ROBO3: variants seen among roughly 807,000 people sequenced by gnomAD.
ROBO3 encodes roundabout homolog 3.
In ROBO3, 97 loss-of-function variants were observed where a neutral mutation model predicts 160.5. That is an observed-to-expected ratio of 0.60 (90% CI 0.51 to 0.72). The LOEUF (loss-of-function observed/expected upper bound fraction) is 0.72, where lower values mean the gene tolerates loss of function less well. Ranked by LOEUF, ROBO3 falls within the 30% of genes least tolerant of loss-of-function variation. The pLI, the probability that ROBO3 is intolerant of heterozygous loss-of-function variation, is 0.00. For synonymous variants in ROBO3, 780 were observed against 746.2 expected (o/e 1.05, Z -0.74); for missense variants, 1,858 against 1,846.5 (o/e 1.01, Z -0.11).
At position 124,877,974 on chromosome 11, in the gene ROBO3, G is replaced by A; in HGVS notation, c.3024G>A (p.Arg1008=). The A allele has an allele frequency of 6.2e-7, 1 of 1,610,522 alleles. No individual in the cohort carries two copies. The highest frequency in any genetic ancestry group is 8.5e-7 in the Non-Finnish European group (1 of 1,178,530). ...CCCTGTATCTAGCTCAGACGGCCAGGGGCACGGCCGCCCCTGGCGAGGGTC... is the reference window on the plus strand; with the variant it reads ...CCCTGTATCTAGCTCAGACGGCCAGAGGCACGGCCGCCCCTGGCGAGGGTC... ...GISLYLAQTA[R]GTAAPGEGPV... The change falls in exon 21 of 28, where the codon AGG becomes AGA. Residue 1008 remains arginine, a synonymous_variant. Coordinates refer to ENST00000397801, the MANE Select transcript of ROBO3 (RefSeq NM_022370.4).
chr11:124,870,941 C>A (rs1946272954), intron 6 of ROBO3, 73 bp from the exon 7 acceptor site: 1 of 1,568,510 alleles, frequency 6.4e-7, no homozygotes, highest in Non-Finnish European at 8.7e-7. Context: ...TGGAGCTTCT[C>A]TCTCCTGTTC....
chr11:124,876,602 C>G lies in ROBO3; in HGVS notation c.2779+142C>G. Reference sequence around the variant, plus strand: ...TGGAGTTCAGCCTCTTGGGTAGGGGCGGGATACGTGGGGCGACTCGAGGAG... The same window carrying G: ...TGGAGTTCAGCCTCTTGGGTAGGGGGGGGATACGTGGGGCGACTCGAGGAG... On this transcript the variant is annotated intron_variant, in intron 17 of 27. Transcript: ENST00000397801. This position sits in a 1 kb window ranked among gnomAD's most constrained non-coding sequence, Gnocchi z 5.3. 5.9e-6 allele frequency: 4 copies of G among 682,726 alleles called. No individual in the cohort carries two copies. The highest frequency in any genetic ancestry group is 8.6e-6 in the Non-Finnish European group (4 of 463,164). The allele number at this position is 682,726 out of a possible 1,614,324, so 42.3% of individuals were successfully genotyped here.
intron 5 of ROBO3, 125 bp downstream of exon 5, chr11:124,870,428 T>C: frequency 6.8e-7 from 1 of 1,471,018 alleles, no homozygotes; most frequent in Non-Finnish European, 9.2e-7. Context: ...CTAGAGCCTG[T>C]GGCCCCAGTC....
At position 124,869,437 on chromosome 11, in the gene ROBO3, C is replaced by T. The variant is rs916691688; in HGVS notation, c.488-13C>T. On this transcript the variant is annotated splice_polypyrimidine_tract_variant and intron_variant, in intron 2 of 27. Coordinates refer to ENST00000397801, the MANE Select transcript of ROBO3 (RefSeq NM_022370.4). The surrounding 1 kb of genome is among the most constrained non-coding windows in gnomAD (Gnocchi z 4.2). ...TACACCCTGCTTATTTCGCCCCCCA[C>T]CGCCCCGCCCAGTCCTCCGTGATGA... The T allele has an allele frequency of 4.9e-6, 7 of 1,435,992 alleles. No homozygotes were observed. Among genetic ancestry groups the T allele is most frequent in the Non-Finnish European group, 6.7e-6 (7 of 1,046,448 alleles). 89.0% of individuals were successfully genotyped at this position (1,435,992 alleles called of 1,614,324 possible). A position where few individuals can be genotyped will look rare whatever the true frequency, so the allele number is the denominator to read the frequency against.
rs1332028844 is a variant in ROBO3, at chr11:124,878,261, G to A, written c.3182-37G>A. On this transcript the variant is annotated intron_variant, in intron 21 of 27. Coordinates refer to ENST00000397801, the MANE Select transcript of ROBO3 (RefSeq NM_022370.4). This position sits in a 1 kb window ranked among gnomAD's most constrained non-coding sequence, Gnocchi z 4.3. ...CCTGTCTCATCTCTGGCTCTTTCCT[G>A]CCTGTTCTCCGGGTGTCCCCATCCT... 6.2e-7 allele frequency: 1 copy of A among 1,608,016 alleles called. No individual in the cohort carries two copies. Among genetic ancestry groups the A allele is most frequent in the Non-Finnish European group, 8.5e-7 (1 of 1,177,066 alleles).
intron 27 of ROBO3, 95 bp downstream of exon 27, chr11:124,880,703 G>A: frequency 7.0e-7 from 1 of 1,437,126 alleles, no homozygotes; most frequent in Non-Finnish European, 9.1e-7. Flanking sequence ...AAGGGCTTGT[G>A]GAGGAGTGTC....
chr11:124,878,411 G>A lies in ROBO3; in HGVS notation c.3295G>A (p.Gly1099Arg). Residue 1099 changes from glycine (G) to arginine (R), a missense_variant, in exon 22 of 28, where the codon GGG becomes AGG. Physicochemically the swap from Gly to Arg is moderately radical, Grantham distance 125. Transcript: ENST00000397801. The surrounding 1 kb of genome is among the most constrained non-coding windows in gnomAD (Gnocchi z 4.3). The stretch of plus-strand genomic sequence containing the variant: ...TTCTTGTGAACTGAGCTGCCTAGAA[G>A]GGCCGGAGGAGGAGCTGGAGGGCAG... Reference protein sequence around the residue: ...PPSCELSCLEGPEEELEGSSE... With the variant: ...PPSCELSCLERPEEELEGSSE... The A allele has an allele frequency of 1.2e-6, 2 of 1,613,886 alleles. No individual in the cohort carries two copies. Among genetic ancestry groups the A allele is most frequent in the Non-Finnish European group, 1.7e-6 (2 of 1,179,828 alleles).
At chr11:124,877,392 G>A (rs1946413237) in intron 19 of ROBO3, 83 bp downstream of exon 19, 3 of 1,592,734 alleles carry the variant, frequency 1.9e-6, no homozygotes, top group Middle Eastern at 1.9e-4. Flanking sequence ...CCAGGTGGAG[G>A]GAGCATGGCC....
Position 124,872,868 on chromosome 11 carries a change from G to A in ROBO3, c.1331-16G>A, listed in dbSNP as rs751594631. The A allele has an allele frequency of 1.2e-5, 19 of 1,576,516 alleles. No homozygotes were observed. Among genetic ancestry groups the A allele is most frequent in the Admixed American group, 1.8e-5 (1 of 56,054 alleles). On this transcript the variant is annotated splice_polypyrimidine_tract_variant and intron_variant, in intron 8 of 27. Transcript: ENST00000397801. This position sits in a 1 kb window ranked among gnomAD's most constrained non-coding sequence, Gnocchi z 4.3. ...TAAGCTCCTCCCCTGAGGTGCACAC[G>A]TTCTTCCTCTCTCAGCCTCTTTGGA...
chr11:124,873,487 T>C lies in ROBO3; in HGVS notation c.1618+96T>C. 4 of 1,180,762 alleles carry C rather than the reference T, an allele frequency of 3.4e-6. No individual in the cohort carries two copies. Among genetic ancestry groups the C allele is most frequent in the South Asian group, 2.6e-5 (2 of 75,632 alleles). The allele number at this position is 1,180,762 out of a possible 1,614,324, so 73.1% of individuals were successfully genotyped here. On this transcript the variant is annotated intron_variant, in intron 10 of 27. Transcript: ENST00000397801. The surrounding 1 kb of genome is among the most constrained non-coding windows in gnomAD (Gnocchi z 4.5). ...CCTCCTCAAACTCCGGGATTAACTT[T>C]ATGTCACAAATGCCATGGTTACGGT...
rs749685809 is a variant in ROBO3, at chr11:124,877,587, G to A, written c.2915G>A (p.Ser972Asn). Residue 972 changes from serine (S) to asparagine (N), a missense_variant, in exon 20 of 28, where the codon AGC becomes AAC. Ser to Asn is a conservative substitution (Grantham distance 46). Coordinates refer to ENST00000397801, the MANE Select transcript of ROBO3 (RefSeq NM_022370.4). ...GATTCGTGGCCCCACCCATCTCGAA[G>A]CCCCTCGGCCCAGGAACCCAGGGGA... Reference protein sequence around the residue: ...LADSWPHPSRSPSAQEPRGSC... With the variant: ...LADSWPHPSRNPSAQEPRGSC... The A allele has an allele frequency of 8.7e-6, 14 of 1,606,282 alleles. No individual in the cohort carries two copies. In the South Asian group the frequency reaches 1.6e-4, roughly 18 times the overall value.
rs373747570 is a variant in ROBO3, at chr11:124,874,799, T to C, written c.1963T>C (p.Ser655Pro). 3.7e-5 allele frequency: 59 copies of C among 1,605,682 alleles called. No homozygotes were observed. The highest frequency in any genetic ancestry group is 7.9e-5 in the South Asian group (7 of 88,974). ...EPVRTQDSSP[S>P]RPVEDPWRGQ... ...TCCTTGGTCAACAGATAGCAGCCCC[T>C]CTAGGCCAGTGGAGGACCCATGGAG... Residue 655 changes from serine (S) to proline (P), a missense_variant, in exon 13 of 28, where the codon TCT becomes CCT. Physicochemically the swap from Ser to Pro is moderately conservative, Grantham distance 74. Coordinates refer to ENST00000397801, the MANE Select transcript of ROBO3 (RefSeq NM_022370.4).
rs2135328946 is a variant in ROBO3 at position 124,872,517 on chromosome 11, G to A, written c.1295G>A (p.Ser432Asn). The A allele has an allele frequency of 6.2e-7, 1 of 1,613,970 alleles. No homozygotes were observed. Among genetic ancestry groups the A allele is most frequent in the Non-Finnish European group, 8.5e-7 (1 of 1,179,846 alleles). Residue 432 changes from serine (S) to asparagine (N), a missense_variant, in exon 8 of 28, where the codon AGC (serine) becomes AAC (asparagine). Transcript: ENST00000397801. This position sits in a 1 kb window ranked among gnomAD's most constrained non-coding sequence, Gnocchi z 4.3. ...TGCCAGGCTGTCAGTGTGGCTGGCA[G>A]CATCCTGGCCAAGGCCCTGCTGGAG... ...YVCQAVSVAG[S>N]ILAKALLEIK... is the part of the protein sequence containing the mutation.
intron 1 of ROBO3, among the ~76,000 whole-genome samples, chr11:124,867,890 G>C (rs1386712552): frequency 6.6e-6 from 1 of 152,156 alleles, no homozygotes; most frequent in African/African-American, 2.4e-5. Flanking sequence ...GCCGCCACGG[G>C]TTACAAATCC....
chr11:124,874,516 A>G (rs1946323396), intron 12 of ROBO3, among the ~76,000 whole-genome samples: 1 of 152,142 alleles, frequency 6.6e-6, no homozygotes, highest in African/African-American at 2.4e-5. Context: ...CATAGATAAT[A>G]ATATAGATTA....
chr11:124,868,647 G>T, intron 1 of ROBO3, 155 bp from the exon 2 acceptor site: 1 of 793,954 alleles, frequency 1.3e-6, no homozygotes, highest in Non-Finnish European at 2.1e-6. Context: ...AGGACATATT[G>T]GATCCTGCAG....
chr11:124,869,889 C>T lies in ROBO3; in HGVS notation c.646-59C>T, dbSNP rs1565309415. 15 of 1,529,636 alleles carry T rather than the reference C, an allele frequency of 9.8e-6. No homozygotes were observed. In the South Asian group the frequency reaches 1.8e-4, roughly 18 times the overall value. The allele number at this position is 1,529,636 out of a possible 1,614,324, so 94.8% of individuals were successfully genotyped here. On this transcript the variant is annotated intron_variant, in intron 3 of 27. Transcript: ENST00000397801. The surrounding 1 kb of genome is among the most constrained non-coding windows in gnomAD (Gnocchi z 4.2). ...CATATGTATATACACATATATTCAC[C>T]ATATATATATACGCTGTGATAGCTG... is the stretch of plus-strand genomic sequence containing the variant.
intron 20 of ROBO3, 74 bp from the exon 21 acceptor site, chr11:124,877,863 T>A (rs1195707592): frequency 8.1e-7 from 1 of 1,234,158 alleles, no homozygotes; most frequent in East Asian, 2.5e-5. Context: ...CCGTGGGATT[T>A]CCCTTTGTCT....
At position 124,868,907 on chromosome 11, in the gene ROBO3, G is replaced by A; in HGVS notation, c.266G>A (p.Gly89Asp). The A allele has an allele frequency of 6.2e-7, 1 of 1,607,780 alleles. No individual in the cohort carries two copies. The highest frequency in any genetic ancestry group is 8.5e-7 in the Non-Finnish European group (1 of 1,177,812). The change falls in exon 2 of 28, where the codon GGC (glycine) becomes GAC (aspartate). Residue 89 changes from glycine to aspartate, a missense_variant. Transcript: ENST00000397801. ...GCCACGTTGCCCTGCCGCGCTGAAG[G>A]CCGACCCCGACCCAACATTGAGTGG... ...EPATLPCRAE[G>D]RPRPNIEWYK...
Sources: allele counts gnomAD v4.1 joint callset (sites outside exome capture counted in the v4.1 genomes callset), GRCh38; gene constraint gnomAD v4.1.1; non-coding constraint Gnocchi (gnomAD v3.1); transcripts MANE v1.5; gene names NCBI Gene and HGNC (gene_info 2026-07-23, HGNC 2026-07-21).